FXYD6: variants seen among roughly 807,000 people sequenced by gnomAD.
FXYD6 encodes FXYD domain-containing ion transport regulator 6.
In FXYD6, 7 loss-of-function variants were observed where a neutral mutation model predicts 16.7. That is an observed-to-expected ratio of 0.42 (90% CI 0.24 to 0.79). The LOEUF is 0.79. Ranked by LOEUF, FXYD6 falls within the 30% of genes least tolerant of loss-of-function variation. The pLI is 0.28. For missense variants in FXYD6, 111 were observed against 116.2 expected (o/e 0.95, Z 0.21); for synonymous variants, 49 against 43.0 (o/e 1.14, Z -0.54).
intron 1 of FXYD6, among the ~76,000 whole-genome samples, chr11:117,859,976 C>G (rs545326306): frequency 1.1e-4 from 16 of 152,230 alleles, no homozygotes; most frequent in South Asian, 2.1e-4. Context: ...TGCTTGCTCC[C>G]CTGTGTGAGA....
Position 117,872,256 on chromosome 11 carries a change from A to G in FXYD6, c.-6+4336T>C, listed in dbSNP as rs73586992. Among the ~76,000 whole-genome samples the G allele has an allele frequency of 4.7e-3, 715 of 152,218 alleles. 7 individuals carry two copies. Among genetic ancestry groups the G allele is most frequent in the African/African-American group, 0.017 (688 of 41,514 alleles). On this transcript the variant is annotated intron_variant, in intron 1 of 7. Transcript: ENST00000526014. This position sits in a 1 kb window ranked among gnomAD's most constrained non-coding sequence, Gnocchi z 4.9. ...CTCCCTGTCGGGTGTGGGAGATTAT[A>G]TATGTGTGAGGAAGGGAACGTGTGT...
chr11:117,872,742 T>C lies in FXYD6; in HGVS notation c.-6+3850A>G, dbSNP rs1438036023. On this transcript the variant is annotated intron_variant, in intron 1 of 7. Coordinates refer to ENST00000526014, the MANE Select transcript of FXYD6 (RefSeq NM_022003.4). The surrounding 1 kb of genome is among the most constrained non-coding windows in gnomAD (Gnocchi z 4.9). The stretch of plus-strand genomic sequence containing the variant: ...TCCCACATCTTTGTAACAAACATGT[T>C]CCTGCGCAGCCTACAAGCTGGCTTC... Among the ~76,000 whole-genome samples the C allele has an allele frequency of 6.6e-6, 1 of 152,144 alleles. No homozygotes were observed. Among genetic ancestry groups the C allele is most frequent in the Non-Finnish European group, 1.5e-5 (1 of 68,012 alleles).
intron 4 of FXYD6, 146 bp from the exon 5 acceptor site, chr11:117,841,330 G>A (rs994595806): frequency 1.0e-5 from 10 of 992,486 alleles, no homozygotes; most frequent in South Asian, 3.1e-5. Context: ...AGTGGCCCTC[G>A]GATGGGGTAG....
intron 7 of FXYD6, chr11:117,839,376 A>C: frequency 4.8e-6 from 1 of 209,406 alleles, no homozygotes; most frequent in Admixed American, 5.3e-5. Flanking sequence ...AGGGTTGGGA[A>C]GTTTCATAAT....
intron 1 of FXYD6, among the ~76,000 whole-genome samples, chr11:117,858,641 TTC>T (rs1491249457): frequency 1.3e-4 from 4 of 30,080 alleles, no homozygotes; most frequent in African/African-American, 3.9e-4. Context: ...TTTTCTTTCT[TTC>T]TTTCTTTCTT....
intron 7 of FXYD6, 181 bp from the exon 8 acceptor site, chr11:117,838,458 G>C: frequency 1.6e-6 from 1 of 614,344 alleles, no homozygotes; most frequent in Non-Finnish European, 2.9e-6. Context: ...GCCTCTCCCA[G>C]GTGGGCTGGA....
chr11:117,866,318 TA>T (rs913852372), intron 1 of FXYD6, among the ~76,000 whole-genome samples: 2 of 150,822 alleles, frequency 1.3e-5, no homozygotes, highest in African/African-American at 2.4e-5. Flanking sequence ...TTTACCATAC[TA>T]AAAAAAAACT....
rs757624973 is a variant in FXYD6 at position 117,839,902 on chromosome 11, G to A, written c.260-72C>T. On this transcript the variant is annotated intron_variant, in intron 6 of 7. Transcript: ENST00000526014. ...CCGTGGGCCACCCCCAACAGCAGCC[G>A]TGTCTCTGCCTGACTCTGGGGGAGC... 370 of 1,591,070 alleles carry A rather than the reference G, an allele frequency of 2.3e-4. 6 individuals carry two copies. The Middle Eastern group carries it at 0.012, about 49-fold the overall frequency.
chr11:117,842,739 G>A lies in FXYD6; in HGVS notation c.38C>T (p.Ala13Val). ...LVLVFLCSLL[A>V]PMVLASAAEK... ...CTTACCACTGGCCAGGACCATGGGG[G>A]CCAGCAGGCTGCAGAGGAAGACCAG... Residue 13 changes from alanine (A) to valine (V), a missense_variant, in exon 2 of 8, where the codon GCC becomes GTC. Physicochemically the swap from Ala to Val is moderately conservative, Grantham distance 64. Coordinates refer to ENST00000526014, the MANE Select transcript of FXYD6 (RefSeq NM_022003.4). 6.4e-7 allele frequency: 1 copy of A among 1,569,966 alleles called. No homozygotes were observed. Among genetic ancestry groups the A allele is most frequent in the Admixed American group, 1.9e-5 (1 of 53,764 alleles).
chr11:117,854,970 C>T (rs541323437), intron 1 of FXYD6, among the ~76,000 whole-genome samples: 17 of 152,330 alleles, frequency 1.1e-4, no homozygotes, highest in African/African-American at 2.2e-4. Flanking sequence ...CAACAGGAGA[C>T]GGCCTTCATC....
chr11:117,851,333 G>T (rs1027987875), intron 1 of FXYD6, among the ~76,000 whole-genome samples: 3 of 152,156 alleles, frequency 2.0e-5, no homozygotes, highest in African/African-American at 7.2e-5. Context: ...AGTCAAGCTA[G>T]CTGCCATGTC....
chr11:117,859,147 C>A (rs2056846239), intron 1 of FXYD6, among the ~76,000 whole-genome samples: 1 of 152,204 alleles, frequency 6.6e-6, no homozygotes, highest in Non-Finnish European at 1.5e-5. Context: ...CTATGAGATA[C>A]ATCTCCTGCC....
chr11:117,867,590 C>T (rs1461174693), intron 1 of FXYD6, among the ~76,000 whole-genome samples: 1 of 152,064 alleles, frequency 6.6e-6, no homozygotes, highest in Non-Finnish European at 1.5e-5. Flanking sequence ...CCTCTACGTC[C>T]TATTTAGTTT....
Position 117,841,703 on chromosome 11 carries a change from A to T in FXYD6, c.172+88T>A, listed in dbSNP as rs1029782215. The T allele has an allele frequency of 3.3e-6, 5 of 1,495,710 alleles. No individual in the cohort carries two copies. In the Admixed American group the frequency reaches 8.4e-5, roughly 25 times the overall value. 92.7% of individuals were successfully genotyped at this position (1,495,710 alleles called of 1,614,324 possible). The stretch of plus-strand genomic sequence containing the variant: ...GGCAGCCTCCTTTCCTCTCCAGGAG[A>T]GGGACCAACCAGGCTCTCACACTGT... On this transcript the variant is annotated intron_variant, in intron 4 of 7. Coordinates refer to ENST00000526014, the MANE Select transcript of FXYD6 (RefSeq NM_022003.4).
rs1397074645 is a variant in FXYD6, at chr11:117,870,254, A to T, written c.-6+6338T>A. ...GCTGAGGCCCCTCTGGTTCCCCAGGAGATCTCGGTCTGGCTCCAGAGAGTC... is the reference window on the plus strand; with the variant it reads ...GCTGAGGCCCCTCTGGTTCCCCAGGTGATCTCGGTCTGGCTCCAGAGAGTC... On this transcript the variant is annotated intron_variant, in intron 1 of 7. Coordinates refer to ENST00000526014, the MANE Select transcript of FXYD6 (RefSeq NM_022003.4). The surrounding 1 kb of genome is among the most constrained non-coding windows in gnomAD (Gnocchi z 4.2). 2.0e-5 allele frequency among the ~76,000 whole-genome samples: 3 copies of T among 152,230 alleles called. No homozygotes were observed. Among genetic ancestry groups the T allele is most frequent in the Non-Finnish European group, 4.4e-5 (3 of 68,042 alleles).
chr11:117,846,575 T>C (rs1012470057), intron 1 of FXYD6, among the ~76,000 whole-genome samples: 5 of 152,130 alleles, frequency 3.3e-5, no homozygotes, highest in Non-Finnish European at 1.5e-5. Context: ...TAGTTTTACT[T>C]TTTCCCGTAA....
At chr11:117,846,099 T>C (rs575813736) in intron 1 of FXYD6, among the ~76,000 whole-genome samples, 3 of 152,334 alleles carry the variant, frequency 2.0e-5, no homozygotes, top group Admixed American at 1.3e-4. Context: ...CAACCTGTTG[T>C]GGATATTTTC....
chr11:117,841,226 G>T (rs749231043), intron 4 of FXYD6, 42 bp from the exon 5 acceptor site: 4 of 1,613,896 alleles, frequency 2.5e-6, no homozygotes, highest in South Asian at 2.2e-5. Context: ...CTGCTGGCTT[G>T]GCCACAGCAG....
intron 1 of FXYD6, among the ~76,000 whole-genome samples, chr11:117,864,797 G>A (rs1187893120): frequency 6.6e-6 from 1 of 152,162 alleles, no homozygotes; most frequent in Non-Finnish European, 1.5e-5. Flanking sequence ...ATGTGGGTCA[G>A]GCTGGTCTCG....
Sources: gnomAD v4.1 joint callset for allele counts (sites outside exome capture counted in the v4.1 genomes callset) on GRCh38, gnomAD v4.1.1 for gene constraint, Gnocchi (gnomAD v3.1) non-coding constraint, MANE v1.5 for transcripts, NCBI Gene and HGNC (gene_info 2026-07-23, HGNC 2026-07-21) for gene names.